Variants in CACHD1 observed in about 807,000 individuals in gnomAD.
CACHD1 encodes the protein cache domain containing 1, also known as VWFA and cache domain-containing protein 1.
CACHD1 carries 71 observed loss-of-function variants against 138.7 expected under a neutral mutation model. The ratio of observed to expected loss-of-function variants is 0.51; its 90% CI spans 0.42 to 0.62. The LOEUF is 0.62. CACHD1 is among the 20% of genes least tolerant of loss of function. CACHD1 has a pLI of 0.00. For synonymous variants in CACHD1, 578 were observed against 591.5 expected (o/e 0.98, Z 0.33); for missense variants, 1,389 against 1,625.3 (o/e 0.85, Z 2.50).
intron 3 of CACHD1, among the ~76,000 whole-genome samples, chr1:64,595,075 C>T (rs1263711354): frequency 6.6e-6 from 1 of 152,148 alleles, no homozygotes; most frequent in Non-Finnish European, 1.5e-5. Context: ...ATGGACAGGA[C>T]TCTTCCCTCC....
At chr1:64,653,273 T>C (rs1404686185) in intron 10 of CACHD1, among the ~76,000 whole-genome samples, 1 of 151,660 alleles carries the variant, frequency 6.6e-6, no homozygotes, top group Non-Finnish European at 1.5e-5. Context: ...AAAATAACTA[T>C]TGGGTGCTAT....
chr1:64,687,045 C>T (rs1010035507), intron 26 of CACHD1, among the ~76,000 whole-genome samples: 2 of 152,192 alleles, frequency 1.3e-5, no homozygotes, highest in African/African-American at 2.4e-5. Context: ...AATCTCGGCT[C>T]TTTTTGATAG....
At chr1:64,624,149 A>G (rs1005797889) in intron 4 of CACHD1, among the ~76,000 whole-genome samples, 1 of 152,234 alleles carries the variant, frequency 6.6e-6, no homozygotes, top group Non-Finnish European at 1.5e-5. Context: ...CATCATATCC[A>G]TCATCTTCTG....
Position 64,666,057 on chromosome 1 carries a change from G to T in CACHD1, c.2277G>T (p.Trp759Cys), listed in dbSNP as rs1649621932. 6.5e-7 allele frequency: 1 copy of T among 1,547,058 alleles called. No homozygotes were observed. The highest frequency in any genetic ancestry group is 8.9e-7 in the Non-Finnish European group (1 of 1,126,030). The stretch of plus-strand genomic sequence containing the variant: ...CATGACTTTCTTTGGTCTCCATTAG[G>T]TATCTCCATGCAGTAGCTAATCCAG... ...DKAFDPTRRQ[W>C]YLHAVANPGL... is the part of the protein sequence containing the mutation. Residue 759 changes from tryptophan (W) to cysteine (C), a missense_variant and splice_region_variant, in exon 16 of 27, where the codon TGG becomes TGT. By Grantham distance (215) the Trp-to-Cys change is radical. Coordinates refer to ENST00000651257, the MANE Select transcript of CACHD1 (RefSeq NM_020925.4).
chr1:64,582,934 A>C (rs148219767), intron 3 of CACHD1, among the ~76,000 whole-genome samples: 2,030 of 152,294 alleles, frequency 0.013, 23 homozygotes, highest in Non-Finnish European at 0.02. Context: ...TGTGTCCTTC[A>C]TCAAGTTACT....
chr1:64,602,779 A>G, intron 3 of CACHD1, 27 bp from the exon 4 acceptor site: 1 of 1,493,172 alleles, frequency 6.7e-7, no homozygotes, highest in Non-Finnish European at 9.3e-7. Context: ...CTGAATAAGT[A>G]TTGCTAATTC....
intron 2 of CACHD1, among the ~76,000 whole-genome samples, chr1:64,560,353 C>T (rs946366773): frequency 2.6e-5 from 4 of 151,664 alleles, no homozygotes; most frequent in Admixed American, 6.6e-5. Context: ...AAGCTATAAA[C>T]GTTTCTCTTA....
chr1:64,527,514 A>G (rs1282465629), intron 1 of CACHD1, among the ~76,000 whole-genome samples: 1 of 152,124 alleles, frequency 6.6e-6, no homozygotes, highest in Non-Finnish European at 1.5e-5. Context: ...ATTTTGTGTG[A>G]TGGCATTTGC....
intron 1 of CACHD1, among the ~76,000 whole-genome samples, chr1:64,516,087 T>C (rs568239530): frequency 6.6e-6 from 1 of 152,348 alleles, no homozygotes; most frequent in South Asian, 2.1e-4. Context: ...TTTTTCTTGA[T>C]AAGTAGCACA....
chr1:64,674,324 A>G (rs1202266378), intron 19 of CACHD1, among the ~76,000 whole-genome samples: 2 of 152,198 alleles, frequency 1.3e-5, no homozygotes, highest in Non-Finnish European at 2.9e-5. Flanking sequence ...CACTGTTTTT[A>G]AAGGAGACAT....
At chr1:64,568,057 C>T (rs1646896849) in intron 2 of CACHD1, among the ~76,000 whole-genome samples, 1 of 152,142 alleles carries the variant, frequency 6.6e-6, no homozygotes. Flanking sequence ...CTTGATGACT[C>T]TTTTGTCTTT....
intron 2 of CACHD1, among the ~76,000 whole-genome samples, chr1:64,577,026 C>T (rs760081458): frequency 2.6e-5 from 4 of 151,912 alleles, no homozygotes; most frequent in Non-Finnish European, 5.9e-5. Flanking sequence ...TCACTGCAGC[C>T]GCAACATCCT....
chr1:64,544,014 G>A (rs1646699046), intron 1 of CACHD1, among the ~76,000 whole-genome samples: 1 of 151,640 alleles, frequency 6.6e-6, no homozygotes, highest in Non-Finnish European at 1.5e-5. Flanking sequence ...TTGTTTAAAT[G>A]ACAGCATTTT....
chr1:64,681,347 G>T lies in CACHD1; in HGVS notation c.3484+12G>T. On this transcript the variant is annotated intron_variant, in intron 25 of 26. Coordinates refer to ENST00000651257, the MANE Select transcript of CACHD1 (RefSeq NM_020925.4). Reference sequence around the variant, plus strand: ...AGACAGAGGCATCAGTGAGTATTCAGCTGCCTTGCTGCAGAATGTGTCAGC... The same window carrying T: ...AGACAGAGGCATCAGTGAGTATTCATCTGCCTTGCTGCAGAATGTGTCAGC... 1 of 1,600,766 alleles carries T rather than the reference G, an allele frequency of 6.2e-7. No individual in the cohort carries two copies. The highest frequency in any genetic ancestry group is 8.6e-7 in the Non-Finnish European group (1 of 1,168,154).
chr1:64,521,859 T>C (rs1646500355), intron 1 of CACHD1, among the ~76,000 whole-genome samples: 1 of 152,252 alleles, frequency 6.6e-6, no homozygotes, highest in African/African-American at 2.4e-5. Context: ...TTATATAGTC[T>C]AGATACAAGT....
intron 1 of CACHD1, among the ~76,000 whole-genome samples, chr1:64,508,003 T>G (rs1182026991): frequency 6.6e-6 from 1 of 152,188 alleles, no homozygotes; most frequent in Non-Finnish European, 1.5e-5. Flanking sequence ...TTTCATAGGC[T>G]GTACAGAAAA....
In CACHD1 at chr1:64,471,204, C is replaced by T. The variant is rs530412016; in HGVS notation, c.198+262C>T. On this transcript the variant is annotated intron_variant, in intron 1 of 26. Coordinates refer to ENST00000651257, the MANE Select transcript of CACHD1 (RefSeq NM_020925.4). ...ACCCACTTGACCCTGCACAGCCCCC[C>T]TCTTCTGAGTACCAGCGCCTTCATC... is the stretch of plus-strand genomic sequence containing the variant. Among the ~76,000 whole-genome samples, 8 of 152,344 alleles carry T rather than the reference C, an allele frequency of 5.3e-5. No individual in the cohort carries two copies. The South Asian group carries it at 1.4e-3, about 28-fold the overall frequency.
intron 26 of CACHD1, among the ~76,000 whole-genome samples, chr1:64,688,503 A>G (rs1032286270): frequency 2.0e-5 from 3 of 152,070 alleles, no homozygotes; most frequent in Admixed American, 1.3e-4. Flanking sequence ...TTCACCAGGC[A>G]AGTCCATTTG....
Position 64,470,930 on chromosome 1 carries a change from C to G in CACHD1, c.186C>G (p.Val62=). 1 of 1,602,976 alleles carries G rather than the reference C, an allele frequency of 6.2e-7. No individual in the cohort carries two copies. Among genetic ancestry groups the G allele is most frequent in the Non-Finnish European group, 8.5e-7 (1 of 1,174,392 alleles). Residue 62 remains valine (V), a synonymous_variant, in exon 1 of 27, where the codon GTC becomes GTG. Coordinates refer to ENST00000651257, the MANE Select transcript of CACHD1 (RefSeq NM_020925.4). The surrounding 1 kb of genome is among the most constrained non-coding windows in gnomAD (Gnocchi z 5.2). ...GGCTGGCGGCCGAGGAGCTGGGGGT[C>G]GTCACCATGCAGGTAAGTGGCCCCC... ...MRRLAAEELG[V]VTMQRIFNSF...
Sources: allele counts gnomAD v4.1 joint callset (sites outside exome capture counted in the v4.1 genomes callset), GRCh38; gene constraint gnomAD v4.1.1; non-coding constraint Gnocchi (gnomAD v3.1); transcripts MANE v1.5; gene names NCBI Gene and HGNC (gene_info 2026-07-23, HGNC 2026-07-21).